ZC3H18: variants seen among roughly 807,000 people sequenced by gnomAD.
ZC3H18 encodes the protein zinc finger CCCH-type containing 18.
In ZC3H18, 8 loss-of-function variants were observed where a neutral mutation model predicts 106.1. That is an observed-to-expected ratio of 0.08 (90% CI 0.04 to 0.14). The LOEUF is 0.14. ZC3H18 is among the 10% of genes least tolerant of loss of function. ZC3H18 has a pLI of 1.00. For missense variants in ZC3H18, 1,318 were observed against 1,278.4 expected (o/e 1.03, Z -0.47); for synonymous variants, 635 against 522.1 (o/e 1.22, Z -2.95).
chr16:88,571,223 A>C (rs1237908191), intron 1 of ZC3H18, among the ~76,000 whole-genome samples: 3 of 152,242 alleles, frequency 2.0e-5, no homozygotes, highest in Non-Finnish European at 4.4e-5. Flanking sequence ...ATACTTTATG[A>C]CAACTGAGTT....
At chr16:88,590,459 T>C (rs1915677936) in intron 3 of ZC3H18, among the ~76,000 whole-genome samples, 1 of 152,176 alleles carries the variant, frequency 6.6e-6, no homozygotes, top group Non-Finnish European at 1.5e-5. Flanking sequence ...GGGATGTTTT[T>C]ATCTCTCGTG....
At chr16:88,624,147 G>A in intron 11 of ZC3H18, 85 bp downstream of exon 11, 2 of 1,554,388 alleles carry the variant, frequency 1.3e-6, no homozygotes, top group South Asian at 2.3e-5. Flanking sequence ...TCTCTCATTT[G>A]TGTTTGGGAC....
Position 88,586,637 on chromosome 16 carries a change from G to A in ZC3H18, c.641G>A (p.Ser214Asn). The change falls in exon 3 of 18, where the codon AGT becomes AAT. Residue 214 changes from serine (S) to asparagine (N), a missense_variant. Physicochemically the swap from Ser to Asn is conservative, Grantham distance 46. This residue lies in a region of ZC3H18 where 30 missense variants were observed against 63.3 expected (regional missense o/e 0.47). Transcript: ENST00000301011. ...DLEEGEVKDPSDRKVRPRPTC... is the reference protein window; with the variant it reads ...DLEEGEVKDPNDRKVRPRPTC... ...GAAGAAGGTGAAGTGAAGGACCCCA[G>A]TGACAGGAAGGTGAGGCCTCGTCCC... 1 of 1,614,226 alleles carries A rather than the reference G, an allele frequency of 6.2e-7. No individual in the cohort carries two copies.
At position 88,599,703 on chromosome 16, in the gene ZC3H18, G is replaced by A. The variant is rs151070467; in HGVS notation, c.931-88G>A. On this transcript the variant is annotated intron_variant, in intron 5 of 17. Coordinates refer to ENST00000301011, the MANE Select transcript of ZC3H18 (RefSeq NM_144604.4). ...GCTCCTGCTCCTGCAGGGCTGCTGC[G>A]GTCGGGTGGGACGGCTCCCTTTGTG... 5.0e-4 allele frequency: 727 copies of A among 1,468,502 alleles called. 4 individuals carry two copies. The highest frequency in any genetic ancestry group is 1.8e-3 in the Middle Eastern group (10 of 5,542). The allele number at this position is 1,468,502 out of a possible 1,614,324, so 91.0% of individuals were successfully genotyped here. A position where few individuals can be genotyped will look rare whatever the true frequency, so the allele number is the denominator to read the frequency against.
chr16:88,608,756 C>G, intron 6 of ZC3H18, 178 bp from the exon 7 acceptor site: 1 of 524,720 alleles, frequency 1.9e-6, no homozygotes, highest in African/African-American at 1.9e-5. Flanking sequence ...CCTTTGACTT[C>G]TGGCCTGCTC....
At chr16:88,616,988 G>A (rs184334281) in intron 8 of ZC3H18, among the ~76,000 whole-genome samples, 8 of 152,246 alleles carry the variant, frequency 5.3e-5, no homozygotes, top group South Asian at 2.1e-4. Flanking sequence ...GTCGTGCAGC[G>A]GGAGGAGCGA....
intron 8 of ZC3H18, among the ~76,000 whole-genome samples, chr16:88,614,494 C>G (rs965801806): frequency 2.0e-5 from 3 of 152,260 alleles, no homozygotes; most frequent in African/African-American, 7.2e-5. Context: ...ATGGCTGTAG[C>G]TGCTGCTTAG....
At chr16:88,596,612 C>G (rs977568926) in intron 3 of ZC3H18, among the ~76,000 whole-genome samples, 2 of 152,088 alleles carry the variant, frequency 1.3e-5, no homozygotes, top group Non-Finnish European at 2.9e-5. Flanking sequence ...TGCACTCCAG[C>G]CTGGGACTGT....
intron 8 of ZC3H18, among the ~76,000 whole-genome samples, chr16:88,618,084 T>C (rs763851397): frequency 2.0e-5 from 3 of 152,258 alleles, no homozygotes; most frequent in Non-Finnish European, 4.4e-5. Flanking sequence ...TTGTATCTGC[T>C]CTGCGCTGAG....
In ZC3H18 at chr16:88,631,888, G is replaced by A; in HGVS notation, c.*589G>A. The A allele has an allele frequency of 3.4e-6, 1 of 293,328 alleles. No homozygotes were observed. Among genetic ancestry groups the A allele is most frequent in the Non-Finnish European group, 6.7e-6 (1 of 150,144 alleles). The allele number at this position is 293,328 out of a possible 1,614,324, so 18.2% of individuals were successfully genotyped here. On this transcript the variant is annotated 3_prime_UTR_variant, in exon 18 of 18. Coordinates refer to ENST00000301011, the MANE Select transcript of ZC3H18 (RefSeq NM_144604.4). ...CAGAAAAGACCAAAAAAAGGCCAAG[G>A]GTGTTGTTGGGGCGTCTGTCTAATG...
At chr16:88,610,504 C>A (rs1221262092) in intron 7 of ZC3H18, among the ~76,000 whole-genome samples, 1 of 152,174 alleles carries the variant, frequency 6.6e-6, no homozygotes, top group East Asian at 1.9e-4. Context: ...GGAGAAAGCC[C>A]CAGGGATCCC....
intron 10 of ZC3H18, chr16:88,623,712 C>A: frequency 1.6e-6 from 1 of 626,848 alleles, no homozygotes. Flanking sequence ...GTCCTGCACA[C>A]ACATGAACGT....
At chr16:88,625,762 G>C (rs1322024460) in intron 13 of ZC3H18, 1 of 158,888 alleles carries the variant, frequency 6.3e-6, no homozygotes, top group Non-Finnish European at 1.4e-5. Context: ...CACCGTGGGA[G>C]GCCAAGGCAG....
At chr16:88,594,240 T>G (rs1904322960) in intron 3 of ZC3H18, among the ~76,000 whole-genome samples, 1 of 152,178 alleles carries the variant, frequency 6.6e-6, no homozygotes, top group African/African-American at 2.4e-5. Context: ...CCAAATATTT[T>G]AAAAACAGTT....
intron 6 of ZC3H18, among the ~76,000 whole-genome samples, chr16:88,604,277 G>A (rs948951584): frequency 1.3e-5 from 2 of 151,646 alleles, no homozygotes; most frequent in South Asian, 2.1e-4. Flanking sequence ...TCTTGAGCCC[G>A]AGAGGTGGAG....
rs1350106436 is a variant in ZC3H18, at chr16:88,611,454, C to T, written c.1393C>T (p.Arg465Trp). ...GCGAGCCAAGCGGGACGAGAAGGAC[C>T]GGCAGCACCGTGACCGCGACCGGGA... ...RERAKRDEKD[R>W]QHRDRDREKE... The change falls in exon 8 of 18, where the codon CGG (arginine) becomes TGG (tryptophan). Residue 465 changes from arginine (R) to tryptophan (W), a missense_variant. By Grantham distance (101) the Arg-to-Trp change is moderately radical (BLOSUM62 -3). Transcript: ENST00000301011. The T allele has an allele frequency of 3.3e-6, 5 of 1,534,974 alleles. No individual in the cohort carries two copies. The African/African-American group carries it at 4.1e-5, about 13-fold the overall frequency.
chr16:88,593,454 T>C (rs1174277876), intron 3 of ZC3H18, among the ~76,000 whole-genome samples: 2 of 152,250 alleles, frequency 1.3e-5, no homozygotes, highest in African/African-American at 4.8e-5. Context: ...CAGAACATCA[T>C]TTAAAACTTA....
chr16:88,581,794 T>C lies in ZC3H18; in HGVS notation c.603+4068T>C, dbSNP rs559268980. Reference sequence around the variant, plus strand: ...CCTCTCCTTTCTCCTGCACGTCTAGTCTCTCCCCAGAACCACCTTTCCTGC... The same window carrying C: ...CCTCTCCTTTCTCCTGCACGTCTAGCCTCTCCCCAGAACCACCTTTCCTGC... On this transcript the variant is annotated intron_variant, in intron 2 of 17. Coordinates refer to ENST00000301011, the MANE Select transcript of ZC3H18 (RefSeq NM_144604.4). Among the ~76,000 whole-genome samples the C allele has an allele frequency of 7.2e-5, 11 of 152,320 alleles. No individual in the cohort carries two copies. The South Asian group carries it at 2.3e-3, about 32-fold the overall frequency.
In ZC3H18 at chr16:88,611,369, AGAGCGGGAGCGC is replaced by A. The variant is rs1176697592; in HGVS notation, c.1314_1325del (p.Glu439_Arg442del). 5 of 985,992 alleles carry A rather than the reference AGAGCGGGAGCGC, an allele frequency of 5.1e-6. No individual in the cohort carries two copies. Among genetic ancestry groups the A allele is most frequent in the Non-Finnish European group, 6.3e-6 (4 of 632,294 alleles). The allele number at this position is 985,992 out of a possible 1,614,324, so 61.1% of individuals were successfully genotyped here. ...AGCGCCGGCAGAGGGAGCGCGAGCGAGAGCGGGAGCGCGAGCGCGACAAGGAGCGGCAGCGGA... is the reference window on the plus strand; with the variant it reads ...AGCGCCGGCAGAGGGAGCGCGAGCGAGAGCGCGACAAGGAGCGGCAGCGGA... On this transcript the variant is annotated inframe_deletion, in exon 8 of 18. Transcript: ENST00000301011.
Sources: gnomAD v4.1 joint callset for allele counts (sites outside exome capture counted in the v4.1 genomes callset) on GRCh38, gnomAD v4.1.1 for gene constraint, gnomAD v4.1.1 regional missense constraint, MANE v1.5 for transcripts, NCBI Gene and HGNC (gene_info 2026-07-23, HGNC 2026-07-21) for gene names.